SLC44A5: variants seen among roughly 807,000 people sequenced by gnomAD.
SLC44A5 encodes solute carrier family 44 member 5.
In SLC44A5, 57 loss-of-function variants were observed where a neutral mutation model predicts 101.8. The ratio of observed to expected loss-of-function variants is 0.56; its 90% CI spans 0.45 to 0.70. The LOEUF is 0.70. Among genes scored for constraint, SLC44A5 ranks in the 30% least tolerant of loss-of-function variants. The pLI, the probability that SLC44A5 is intolerant of heterozygous loss-of-function variation, is 0.00. For synonymous variants in SLC44A5, 281 were observed against 290.9 expected, an observed-to-expected ratio of 0.97 and a Z score of 0.35; for missense variants, 737 against 853.1, an observed-to-expected ratio of 0.86 and a Z score of 1.70.
intron 1 of SLC44A5, among the ~76,000 whole-genome samples, chr1:75,547,073 A>G (rs1553201858): frequency 6.6e-6 from 1 of 152,224 alleles, no homozygotes; most frequent in Non-Finnish European, 1.5e-5. Context: ...GAATGGCCCA[A>G]AGAAATCAGC....
At chr1:75,721,875 T>C in the SLC44A5 span, among the ~76,000 whole-genome samples, 10 of 152,188 alleles carry the variant, frequency 6.6e-5, no homozygotes, top group Non-Finnish European at 1.2e-4. Context: ...ATTCATAGGA[T>C]CCTGGTTCAA....
chr1:75,501,158 A>T (rs1386047532), intron 2 of SLC44A5, among the ~76,000 whole-genome samples: 1 of 150,056 alleles, frequency 6.7e-6, no homozygotes, highest in East Asian at 2.1e-4. Context: ...TTAGTAAAAA[A>T]CTCCATCCAA....
chr1:75,471,118 C>G (rs1182618514), intron 2 of SLC44A5, among the ~76,000 whole-genome samples: 1 of 152,034 alleles, frequency 6.6e-6, no homozygotes, highest in Non-Finnish European at 1.5e-5. Context: ...CTCAGTGATT[C>G]GTTGAAGATC....
At chr1:75,606,146 G>T (rs1027095025) in intron 1 of SLC44A5, among the ~76,000 whole-genome samples, 9 of 151,696 alleles carry the variant, frequency 5.9e-5, no homozygotes, top group Non-Finnish European at 1.3e-4. Context: ...TCAAGTGAGG[G>T]AATGGACTGC....
chr1:75,257,870 A>T (rs1650144523), intron 6 of SLC44A5, among the ~76,000 whole-genome samples: 1 of 152,044 alleles, frequency 6.6e-6, no homozygotes, highest in Non-Finnish European at 1.5e-5. Context: ...CAGTGGGACT[A>T]GTTGGACAGT....
chr1:75,364,731 TG>T (rs1659737843), intron 3 of SLC44A5, among the ~76,000 whole-genome samples: 1 of 152,144 alleles, frequency 6.6e-6, no homozygotes, highest in Non-Finnish European at 1.5e-5. Context: ...TTAGTTCTCT[TG>T]ATGGTTTCCC....
chr1:75,656,364 C>T, the SLC44A5 span, among the ~76,000 whole-genome samples: 4 of 152,128 alleles, frequency 2.6e-5, no homozygotes, highest in Non-Finnish European at 4.4e-5. Context: ...ATTTGGAATA[C>T]TCCAATACTG....
chr1:75,458,346 T>C (rs1666305429), intron 2 of SLC44A5, among the ~76,000 whole-genome samples: 2 of 152,176 alleles, frequency 1.3e-5, no homozygotes, highest in African/African-American at 2.4e-5. Context: ...GAGCTGACTA[T>C]TGAAGGGGAA....
intron 2 of SLC44A5, among the ~76,000 whole-genome samples, chr1:75,449,594 T>C (rs181711372): frequency 6.6e-6 from 1 of 152,204 alleles, no homozygotes. Flanking sequence ...TGAAAGTTCA[T>C]TAAATGGGCC....
At chr1:75,694,080 C>T in the SLC44A5 span, among the ~76,000 whole-genome samples, 2 of 150,482 alleles carry the variant, frequency 1.3e-5, no homozygotes, top group African/African-American at 2.4e-5. Flanking sequence ...GTGATAATAT[C>T]ACATTTATAA....
chr1:75,415,347 T>G (rs1175843191), intron 2 of SLC44A5, among the ~76,000 whole-genome samples: 1 of 152,108 alleles, frequency 6.6e-6, no homozygotes, highest in African/African-American at 2.4e-5. Flanking sequence ...CTGCACAATT[T>G]CTCTTTGCCT....
At chr1:75,209,122 C>T (rs1339730547) in intron 23 of SLC44A5, among the ~76,000 whole-genome samples, 1 of 152,110 alleles carries the variant, frequency 6.6e-6, no homozygotes, top group Non-Finnish European at 1.5e-5. Context: ...TGATTCATGT[C>T]AACATGCAAT....
intron 20 of SLC44A5, 45 bp downstream of exon 20, chr1:75,214,560 G>A (rs759309895): frequency 1.4e-6 from 2 of 1,460,620 alleles, no homozygotes; most frequent in East Asian, 4.6e-5. Context: ...TAATGCTCAA[G>A]GTTCACTACA....
intron 2 of SLC44A5, among the ~76,000 whole-genome samples, chr1:75,477,942 C>A (rs1280270187): frequency 4.0e-5 from 6 of 151,822 alleles, no homozygotes; most frequent in African/African-American, 1.2e-4. Flanking sequence ...CTCCAAGACA[C>A]ATAATTGTCA....
chr1:75,287,736 A>G (rs1359849391), intron 5 of SLC44A5, among the ~76,000 whole-genome samples: 1 of 152,090 alleles, frequency 6.6e-6, no homozygotes, highest in African/African-American at 2.4e-5. Flanking sequence ...CTAGCCACCC[A>G]GTGGAACTAA....
At chr1:75,715,983 G>T in the SLC44A5 span, among the ~76,000 whole-genome samples, 1 of 151,980 alleles carries the variant, frequency 6.6e-6, no homozygotes, top group Non-Finnish European at 1.5e-5. Flanking sequence ...AAACAATTCC[G>T]TTAAAAAGTA....
intron 2 of SLC44A5, among the ~76,000 whole-genome samples, chr1:75,536,392 G>A (rs1181336131): frequency 6.6e-6 from 1 of 151,734 alleles, no homozygotes; most frequent in Non-Finnish European, 1.5e-5. Flanking sequence ...GAGGTCAGGA[G>A]ATCGAGACCA....
At chr1:75,221,644 AG>A (rs1386271185) in intron 14 of SLC44A5, among the ~76,000 whole-genome samples, 4 of 152,198 alleles carry the variant, frequency 2.6e-5, no homozygotes, top group Non-Finnish European at 5.9e-5. Flanking sequence ...GGTGATTTAA[AG>A]TTTTGCAAAT....
intron 13 of SLC44A5, among the ~76,000 whole-genome samples, chr1:75,227,229 G>A (rs1471888535): frequency 6.6e-6 from 1 of 152,084 alleles, no homozygotes; most frequent in Admixed American, 6.6e-5. Flanking sequence ...GCCAGGCATG[G>A]TGGCACACAT....
Sources: gnomAD v4.1 joint callset for allele counts (sites outside exome capture counted in the v4.1 genomes callset) on GRCh38, gnomAD v4.1.1 for gene constraint, MANE v1.5 for transcripts, NCBI Gene and HGNC (gene_info 2026-07-23, HGNC 2026-07-21) for gene names.